INPPL1: variants seen among roughly 807,000 people sequenced by gnomAD.
INPPL1 encodes phosphatidylinositol 3,4,5-trisphosphate 5-phosphatase 2.
A neutral mutation model predicts 139.3 loss-of-function variants in INPPL1; 91 were observed. The observed-to-expected ratio is 0.65, with a 90% confidence interval of 0.55 to 0.78. The LOEUF is 0.78. INPPL1 is among the 30% of genes least tolerant of loss of function. The pLI is 0.00. For synonymous variants in INPPL1, 719 were observed against 686.6 expected (o/e 1.05, Z -0.74); for missense variants, 1,411 against 1,665.6 (o/e 0.85, Z 2.66).
At chr11:72,224,557 G>A (rs1273048591), upstream of INPPL1, among the ~76,000 whole-genome samples, 1 of 151,044 alleles carries the variant, frequency 6.6e-6, no homozygotes, top group African/African-American at 2.4e-5. Context: ...GGGGATTTGG[G>A]GACTGGATCT....
rs1397560731 is a variant in INPPL1 at position 72,228,028 on chromosome 11, T to G, written c.183-162T>G. Reference sequence around the variant, plus strand: ...ATAGGCAACACCAGGAGGGTGGAAGTGGACCGGCCACATCATTAACCCTGT... The same window carrying G: ...ATAGGCAACACCAGGAGGGTGGAAGGGGACCGGCCACATCATTAACCCTGT... On this transcript the variant is annotated intron_variant, in intron 1 of 27. Transcript: ENST00000298229. This position sits in a 1 kb window ranked among gnomAD's most constrained non-coding sequence, Gnocchi z 5.0. 1 of 680,884 alleles carries G rather than the reference T, an allele frequency of 1.5e-6. No homozygotes were observed. Among genetic ancestry groups the G allele is most frequent in the Non-Finnish European group, 2.6e-6 (1 of 384,024 alleles). 42.2% of individuals were successfully genotyped at this position (680,884 alleles called of 1,614,324 possible). A position where few individuals can be genotyped will look rare whatever the true frequency, so the allele number is the denominator to read the frequency against.
At position 72,224,948 on chromosome 11, in the gene INPPL1, G is replaced by A. The variant is rs985202857; in HGVS notation, c.-37G>A. 9 of 1,060,678 alleles carry A rather than the reference G, an allele frequency of 8.5e-6. No individual in the cohort carries two copies. In the African/African-American group the frequency reaches 1.5e-4, roughly 18 times the overall value. The allele number at this position is 1,060,678 out of a possible 1,614,324, so 65.7% of individuals were successfully genotyped here. A position where few individuals can be genotyped will look rare whatever the true frequency, so the allele number is the denominator to read the frequency against. On this transcript the variant is annotated 5_prime_UTR_variant, in exon 1 of 28. Transcript: ENST00000298229. ...AGCGTCTCGGGGCGGATGGCGCGGG[G>A]CGGCGGGGGCGGGCGGTGCTGAGCC...
chr11:72,224,267 C>T (rs1948601262), upstream of INPPL1, among the ~76,000 whole-genome samples: 1 of 149,362 alleles, frequency 6.7e-6, no homozygotes, highest in Non-Finnish European at 1.5e-5. Flanking sequence ...GTTGGGGGTT[C>T]AGATCTAAGA....
At position 72,228,914 on chromosome 11, in the gene INPPL1, A is replaced by G. The variant is rs1948751846; in HGVS notation, c.518+67A>G. 1 of 1,521,336 alleles carries G rather than the reference A, an allele frequency of 6.6e-7. No homozygotes were observed. 94.2% of individuals were successfully genotyped at this position (1,521,336 alleles called of 1,614,324 possible). A position where few individuals can be genotyped will look rare whatever the true frequency, so the allele number is the denominator to read the frequency against. ...CCTCTGAGAACTATTTCCCTACCAA[A>G]GGTGGGGAGGCCTTCTAAGACCCCA... On this transcript the variant is annotated intron_variant, in intron 4 of 27. Transcript: ENST00000298229. The surrounding 1 kb of genome is among the most constrained non-coding windows in gnomAD (Gnocchi z 5.0).
chr11:72,230,647 C>T, intron 10 of INPPL1, 149 bp from the exon 11 acceptor site: 1 of 837,704 alleles, frequency 1.2e-6, no homozygotes, highest in Non-Finnish European at 1.9e-6. Flanking sequence ...TAACATTTGC[C>T]AGCACTGTTA....
intron 1 of INPPL1, among the ~76,000 whole-genome samples, chr11:72,227,683 C>G (rs1948711054): frequency 6.6e-6 from 1 of 152,184 alleles, no homozygotes; most frequent in Non-Finnish European, 1.5e-5. Flanking sequence ...GTGGGAAGGC[C>G]TAGGGTGATG....
chr11:72,224,565 TCTC>T (rs887941143), upstream of INPPL1, among the ~76,000 whole-genome samples: 8 of 146,988 alleles, frequency 5.4e-5, no homozygotes, highest in Non-Finnish European at 6.0e-5. Context: ...GGGGACTGGA[TCTC>T]CTCGGGTGAA....
chr11:72,231,178 G>C lies in INPPL1; in HGVS notation c.1486G>C (p.Asp496His). The change falls in exon 12 of 28, where the codon GAT becomes CAT. Residue 496 changes from aspartate (D) to histidine (H), a missense_variant. Physicochemically the swap from Asp to His is moderately conservative, Grantham distance 81 (BLOSUM62 -1). Coordinates refer to ENST00000298229, the MANE Select transcript of INPPL1 (RefSeq NM_001567.4). ...GGGCCTCAAGGAGCTTACGGATCTG[G>C]ATTACCGCCCGGTGAGGGGGGGTCA... Reference protein sequence around the residue: ...RGGLKELTDLDYRPIAMQSLW... With the variant: ...RGGLKELTDLHYRPIAMQSLW... 6.2e-7 allele frequency: 1 copy of C among 1,611,936 alleles called. No homozygotes were observed. Among genetic ancestry groups the C allele is most frequent in the Non-Finnish European group, 8.5e-7 (1 of 1,179,674 alleles).
In INPPL1 at chr11:72,228,598, T is replaced by C; in HGVS notation, c.397+100T>C. 2 of 1,517,878 alleles carry C rather than the reference T, an allele frequency of 1.3e-6. No individual in the cohort carries two copies. The highest frequency in any genetic ancestry group is 1.8e-6 in the Non-Finnish European group (2 of 1,123,670). 94.0% of individuals were successfully genotyped at this position (1,517,878 alleles called of 1,614,324 possible). A position where few individuals can be genotyped will look rare whatever the true frequency, so the allele number is the denominator to read the frequency against. ...CAACCCCACCTCTCCTGTAACCCCC[T>C]TTCCCTTGGCCATGATGCCGGGGCC... On this transcript the variant is annotated intron_variant, in intron 3 of 27. Transcript: ENST00000298229. This position sits in a 1 kb window ranked among gnomAD's most constrained non-coding sequence, Gnocchi z 5.0.
chr11:72,226,331 C>T (rs1225310097), intron 1 of INPPL1, among the ~76,000 whole-genome samples: 2 of 152,080 alleles, frequency 1.3e-5, no homozygotes, highest in African/African-American at 2.4e-5. Context: ...CAGGCGCTCG[C>T]CACCAAGCCC....
rs1948777169 is a variant in INPPL1 at position 72,229,711 on chromosome 11, C to T, written c.802C>T (p.Leu268=). 1 of 1,614,084 alleles carries T rather than the reference C, an allele frequency of 6.2e-7. No homozygotes were observed. The highest frequency in any genetic ancestry group is 8.5e-7 in the Non-Finnish European group (1 of 1,180,016). The stretch of plus-strand genomic sequence containing the variant: ...GGAACTAGAGAGCCTGGTGCTGAAG[C>T]TGTCAGTGCTAAAGGACTTCCTGTC... ...EQELESLVLK[L]SVLKDFLSGI... is the part of the protein sequence containing the mutation. Residue 268 remains leucine (L), a synonymous_variant, in exon 7 of 28, where the codon CTG becomes TTG. Transcript: ENST00000298229.
chr11:72,236,089 T>G, intron 25 of INPPL1, 103 bp downstream of exon 25: 1 of 679,446 alleles, frequency 1.5e-6, no homozygotes, highest in Non-Finnish European at 2.5e-6. Context: ...ATCAGCTGCT[T>G]AGGTGCCCTG....
rs570236237 is a variant in INPPL1 at position 72,231,602 on chromosome 11, C to T, written c.1602C>T (p.Ile534=). 53 of 1,612,504 alleles carry T rather than the reference C, an allele frequency of 3.3e-5. 1 individual carries two copies. The African/African-American group carries it at 3.5e-4, about 11-fold the overall frequency. ...GTACGTCCAGTGTGAAGACTGGCAT[C>T]GCCAACACCCTGGGTAAGTGGGGCT... The part of the protein sequence containing the change: ...HVSTSSVKTG[I]ANTLGNKGAV... The change falls in exon 13 of 28, where the codon ATC becomes ATT. Residue 534 remains isoleucine (I), a synonymous_variant. Transcript: ENST00000298229.
Position 72,232,241 on chromosome 11 carries a change from G to C in INPPL1, c.1617G>C (p.Gly539=). The C allele has an allele frequency of 6.4e-7, 1 of 1,554,354 alleles. No individual in the cohort carries two copies. Among genetic ancestry groups the C allele is most frequent in the South Asian group, 1.2e-5 (1 of 84,194 alleles). Residue 539 remains glycine (G), a splice_region_variant and synonymous_variant, in exon 14 of 28, where the codon GGG becomes GGC. Transcript: ENST00000298229. ...SVKTGIANTL[G]NKGAVGVSFM... ...TTCCTCTCTTGCTTGCCTTAACAGG[G>C]AACAAGGGGGCTGTGGGCGTCTCCT...
In INPPL1 at chr11:72,237,702, A is replaced by T. The variant is rs1949031773; in HGVS notation, c.3458A>T (p.Gln1153Leu). 6.2e-7 allele frequency: 1 copy of T among 1,611,678 alleles called. No homozygotes were observed. The highest frequency in any genetic ancestry group is 8.5e-7 in the Non-Finnish European group (1 of 1,179,426). Reference sequence around the variant, plus strand: ...CTCCTCCCAGGCCCCCTGGAGCTGCAGCCCCCCCGGGGACTGCCCTCGGAC... The same window carrying T: ...CTCCTCCCAGGCCCCCTGGAGCTGCTGCCCCCCCGGGGACTGCCCTCGGAC... ...SALLPGPLEL[Q>L]PPRGLPSDYG... The change falls in exon 26 of 28, where the codon CAG becomes CTG. Residue 1153 changes from glutamine to leucine, a missense_variant. This residue lies in a region of INPPL1 where 438 missense variants were observed against 425.7 expected (regional missense o/e 1.03). Transcript: ENST00000298229.
intron 18 of INPPL1, 35 bp from the exon 19 acceptor site, chr11:72,233,620 C>G (rs760543226): frequency 1.0e-5 from 16 of 1,604,500 alleles, no homozygotes; most frequent in Non-Finnish European, 1.4e-5. Context: ...TGGGAATATT[C>G]CCCCTGAGTC....
rs761169502 is a variant in INPPL1, at chr11:72,232,896, A to C, written c.1873A>C (p.Arg625=). 1 of 1,614,116 alleles carries C rather than the reference A, an allele frequency of 6.2e-7. No individual in the cohort carries two copies. The highest frequency in any genetic ancestry group is 1.1e-5 in the South Asian group (1 of 91,078). Residue 625 remains arginine (R), a synonymous_variant, in exon 16 of 28, where the codon AGG becomes CGG. Transcript: ENST00000298229. Reference sequence around the variant, plus strand: ...CCAGGAGATCCTGAACTACATCAGCAGGAAAGAGTTTGAGCCCCTCCTCAG... The same window carrying C: ...CCAGGAGATCCTGAACTACATCAGCCGGAAAGAGTTTGAGCCCCTCCTCAG... The part of the protein sequence containing the change: ...DIQEILNYIS[R]KEFEPLLRVD...
intron 26 of INPPL1, 83 bp downstream of exon 26, chr11:72,237,879 C>G: frequency 6.8e-7 from 1 of 1,481,362 alleles, no homozygotes; most frequent in Non-Finnish European, 9.0e-7. Context: ...CCATTCAGCA[C>G]TCATGGTGTC....
chr11:72,228,873 A>T lies in INPPL1; in HGVS notation c.518+26A>T. The T allele has an allele frequency of 6.4e-7, 1 of 1,558,284 alleles. No homozygotes were observed. The highest frequency in any genetic ancestry group is 2.2e-5 in the East Asian group (1 of 44,536). On this transcript the variant is annotated intron_variant, in intron 4 of 27. Transcript: ENST00000298229. The surrounding 1 kb of genome is among the most constrained non-coding windows in gnomAD (Gnocchi z 5.0). ...GTGAGACCCCCATCCCATCCACTGAACAGGAGACCCTTTCTCCTCTGAGAA... is the reference window on the plus strand; with the variant it reads ...GTGAGACCCCCATCCCATCCACTGATCAGGAGACCCTTTCTCCTCTGAGAA...
Sources: gnomAD v4.1 joint callset for allele counts (sites outside exome capture counted in the v4.1 genomes callset) on GRCh38, gnomAD v4.1.1 for gene constraint, gnomAD v4.1.1 regional missense constraint, Gnocchi (gnomAD v3.1) non-coding constraint, MANE v1.5 for transcripts, NCBI Gene and HGNC (gene_info 2026-07-23, HGNC 2026-07-21) for gene names.